RAB11FIP1: variants seen among roughly 807,000 people sequenced by gnomAD.
RAB11FIP1 encodes the protein RAB11 family interacting protein 1.
Under a neutral mutation model 83.1 loss-of-function variants are expected in RAB11FIP1, and 49 were observed. The ratio of observed to expected loss-of-function variants is 0.59; its 90% CI spans 0.47 to 0.75. RAB11FIP1 has a LOEUF of 0.75. Ranked by LOEUF, RAB11FIP1 falls within the 30% of genes least tolerant of loss-of-function variation. The probability of loss-of-function intolerance (pLI) is 0.00; values close to 1 mark genes in which losing one functional copy is unlikely to be tolerated. For missense variants in RAB11FIP1, 1,536 were observed against 1,598.7 expected, an observed-to-expected ratio of 0.96 and a Z score of 0.67; for synonymous variants, 670 against 656.0, an observed-to-expected ratio of 1.02 and a Z score of -0.33.
chr8:37,896,705 A>G (rs552201095), intron 1 of RAB11FIP1, among the ~76,000 whole-genome samples: 2 of 152,352 alleles, frequency 1.3e-5, no homozygotes, highest in South Asian at 4.1e-4. Context: ...AACCTTTTCA[A>G]TCACTTCTTG....
At chr8:37,888,856 G>A (rs552989743) in intron 1 of RAB11FIP1, among the ~76,000 whole-genome samples, 1 of 143,800 alleles carries the variant, frequency 7.0e-6, no homozygotes, top group Admixed American at 7.2e-5. Context: ...GGACTGCAGT[G>A]GCGCTATCTC....
In RAB11FIP1 at chr8:37,872,649, G is replaced by A; in HGVS notation, c.2153C>T (p.Pro718Leu). ...TACTTCCTGGGCTTCTCCAGATGATGGGCTGTAGTCTTGTTTTTTGCAGGG... is the reference window on the plus strand; with the variant it reads ...TACTTCCTGGGCTTCTCCAGATGATAGGCTGTAGTCTTGTTTTTTGCAGGG... The part of the protein sequence containing the change: ...RFPCKKQDYS[P>L]SSGEAQEVPF... Residue 718 changes from proline (P) to leucine (L), a missense_variant, in exon 4 of 6, where the codon CCA (proline) becomes CTA (leucine). Coordinates refer to ENST00000330843, the MANE Select transcript of RAB11FIP1 (RefSeq NM_001002814.3). The A allele has an allele frequency of 6.2e-7, 1 of 1,614,178 alleles. No individual in the cohort carries two copies. Among genetic ancestry groups the A allele is most frequent in the South Asian group, 1.1e-5 (1 of 91,084 alleles).
chr8:37,875,386 C>A, intron 2 of RAB11FIP1, 64 bp from the exon 3 acceptor site: 6 of 1,202,728 alleles, frequency 5.0e-6, no homozygotes, highest in Non-Finnish European at 7.2e-6. Flanking sequence ...AGTGTAGGGG[C>A]ATCTGTCAAC....
chr8:37,886,624 GT>G (rs1806840309), intron 1 of RAB11FIP1, among the ~76,000 whole-genome samples: 1 of 152,192 alleles, frequency 6.6e-6, no homozygotes, highest in African/African-American at 2.4e-5. Context: ...TATAGCATGA[GT>G]CATCTCCACG....
intron 1 of RAB11FIP1, among the ~76,000 whole-genome samples, chr8:37,898,778 C>T (rs1807146065): frequency 6.6e-6 from 1 of 150,888 alleles, no homozygotes; most frequent in South Asian, 2.1e-4. Flanking sequence ...TGAGATCGTG[C>T]CATTGCCATT....
intron 1 of RAB11FIP1, among the ~76,000 whole-genome samples, chr8:37,887,137 G>A (rs1003255075): frequency 3.9e-5 from 6 of 152,124 alleles, no homozygotes; most frequent in African/African-American, 1.4e-4. Flanking sequence ...CATGAGAGTG[G>A]CAAATAGGTC....
Position 37,871,413 on chromosome 8 carries a change from G to C in RAB11FIP1, c.3389C>G (p.Ala1130Gly). 1 of 1,614,164 alleles carries C rather than the reference G, an allele frequency of 6.2e-7. No homozygotes were observed. Among genetic ancestry groups the C allele is most frequent in the South Asian group, 1.1e-5 (1 of 91,082 alleles). ...HTSTAESQKK[A>G]TAEGSAGRVE... ...TCTACCAGCGGAGCCCTCTGCTGTG[G>C]CTTTTTTTTGAGATTCTGCTGTGCT... Residue 1130 changes from alanine to glycine, a missense_variant, in exon 4 of 6, where the codon GCC (alanine) becomes GGC (glycine). Physicochemically the swap from Ala to Gly is moderately conservative, Grantham distance 60 (BLOSUM62 0). Transcript: ENST00000330843.
chr8:37,871,709 C>T lies in RAB11FIP1; in HGVS notation c.3093G>A (p.Arg1031=), dbSNP rs756290842. Residue 1031 remains arginine (R), a synonymous_variant, in exon 4 of 6, where the codon AGG becomes AGA. Transcript: ENST00000330843. The stretch of plus-strand genomic sequence containing the variant: ...TCACAGATGCCTGGGGTGCTTGCAG[C>T]CTGAAATCACACAGGCCCTCCCCCA... ...LVLGEGLCDF[R]LQAPQASVTA... 3 of 1,613,638 alleles carry T rather than the reference C, an allele frequency of 1.9e-6. No individual in the cohort carries two copies. In the Admixed American group the frequency reaches 5.0e-5, roughly 27 times the overall value.
chr8:37,874,480 C>T (rs1423969309), intron 3 of RAB11FIP1, 35 bp downstream of exon 3: 2 of 1,568,738 alleles, frequency 1.3e-6, no homozygotes, highest in African/African-American at 2.7e-5. Flanking sequence ...AATGGCAAGG[C>T]AGAAATGCCC....
intron 1 of RAB11FIP1, among the ~76,000 whole-genome samples, chr8:37,894,047 TCA>T (rs1180186988): frequency 6.6e-6 from 1 of 152,216 alleles, no homozygotes; most frequent in African/African-American, 2.4e-5. Flanking sequence ...CTGAGCTATC[TCA>T]GTTTCCTACA....
intron 5 of RAB11FIP1, among the ~76,000 whole-genome samples, chr8:37,869,522 G>A (rs575263186): frequency 6.6e-6 from 1 of 152,074 alleles, no homozygotes; most frequent in African/African-American, 2.4e-5. Flanking sequence ...AACCCAGGAG[G>A]GGGAGGTTGC....
chr8:37,899,203 G>A lies in RAB11FIP1; in HGVS notation c.239C>T (p.Ser80Phe). 6.4e-7 allele frequency: 1 copy of A among 1,573,384 alleles called. No individual in the cohort carries two copies. The highest frequency in any genetic ancestry group is 8.6e-7 in the Non-Finnish European group (1 of 1,166,548). Residue 80 changes from serine to phenylalanine, a missense_variant, in exon 1 of 6, where the codon TCC (serine) becomes TTC (phenylalanine). Coordinates refer to ENST00000330843, the MANE Select transcript of RAB11FIP1 (RefSeq NM_001002814.3). The surrounding 1 kb of genome is among the most constrained non-coding windows in gnomAD (Gnocchi z 4.5). Reference protein sequence around the residue: ...ATFELPSLLSSGPAAAATLQL... With the variant: ...ATFELPSLLSFGPAAAATLQL... ...CAGGGTGGCGGCGGCCGCGGGTCCG[G>A]AGGACAGCAGCGATGGCAGCTCGAA...
In RAB11FIP1 at chr8:37,875,191, T is replaced by C; in HGVS notation, c.946A>G (p.Asn316Asp). 6.2e-7 allele frequency: 1 copy of C among 1,614,090 alleles called. No homozygotes were observed. Among genetic ancestry groups the C allele is most frequent in the Non-Finnish European group, 8.5e-7 (1 of 1,180,010 alleles). ...ACATGGTTCCCATTGATGCAGACAT[T>C]AGAGCGGGAAAGGACATCATTCTTA... is the stretch of plus-strand genomic sequence containing the variant. ...RSKNDVLSRS[N>D]VCINGNHVYL... Residue 316 changes from asparagine to aspartate, a missense_variant, in exon 3 of 6, where the codon AAT becomes GAT. By Grantham distance (23) the Asn-to-Asp change is conservative. Transcript: ENST00000330843.
chr8:37,874,025 TACA>T (rs1806546903), intron 3 of RAB11FIP1, among the ~76,000 whole-genome samples: 1 of 152,142 alleles, frequency 6.6e-6, no homozygotes, highest in African/African-American at 2.4e-5. Flanking sequence ...TGCCGGCTCT[TACA>T]ACAAGGGGCA....
At position 37,897,881 on chromosome 8, in the gene RAB11FIP1, T is replaced by C. The variant is rs192135991; in HGVS notation, c.371+1190A>G. Among the ~76,000 whole-genome samples, 86 of 152,310 alleles carry C rather than the reference T, an allele frequency of 5.6e-4. No homozygotes were observed. The East Asian group carries it at 0.011, about 20-fold the overall frequency. On this transcript the variant is annotated intron_variant, in intron 1 of 5. Coordinates refer to ENST00000330843, the MANE Select transcript of RAB11FIP1 (RefSeq NM_001002814.3). Reference sequence around the variant, plus strand: ...GGTAGGGGAAGGGGTTAGCAAGTCATGTGACAGCCGGCAAACGCCATTCCC... The same window carrying C: ...GGTAGGGGAAGGGGTTAGCAAGTCACGTGACAGCCGGCAAACGCCATTCCC...
At chr8:37,894,711 C>CATATATATAT (rs1008699497) in intron 1 of RAB11FIP1, among the ~76,000 whole-genome samples, 2 of 145,056 alleles carry the variant, frequency 1.4e-5, no homozygotes, top group African/African-American at 5.2e-5. Context: ...CATATATATA[C>CATATATATAT]ATATATATAT....
chr8:37,890,106 A>G (rs1806916209), intron 1 of RAB11FIP1, among the ~76,000 whole-genome samples: 2 of 152,238 alleles, frequency 1.3e-5, no homozygotes, highest in South Asian at 4.1e-4. Context: ...TCCTGTTTTA[A>G]TAACAAATGA....
intron 1 of RAB11FIP1, among the ~76,000 whole-genome samples, chr8:37,895,251 ATATATATATTTTTTTTTTTTTTTTTT>A (rs1163918388): frequency 2.8e-3 from 36 of 12,640 alleles, no homozygotes; most frequent in African/African-American, 0.014. Flanking sequence ...ATATATATAT[ATATATATATTTTTTTTTTTTTTTTTT>A]TTTTTTTTTT....
In RAB11FIP1 at chr8:37,874,588, G is replaced by C. The variant is rs1806560871; in HGVS notation, c.1549C>G (p.Pro517Ala). 3 of 1,614,032 alleles carry C rather than the reference G, an allele frequency of 1.9e-6. No homozygotes were observed. In the African/African-American group the frequency reaches 4.0e-5, roughly 22 times the overall value. The change falls in exon 3 of 6, where the codon CCA (proline) becomes GCA (alanine). Residue 517 changes from proline to alanine, a missense_variant. By Grantham distance (27) the Pro-to-Ala change is conservative. Transcript: ENST00000330843. ...DVQITEPEAE[P>A]ESKSEPRPPI... The stretch of plus-strand genomic sequence containing the variant: ...GGTCTCGGTTCAGACTTGGACTCTG[G>C]CTCAGCTTCTGGTTCTGTGATCTGC...
Sources: allele counts gnomAD v4.1 joint callset (sites outside exome capture counted in the v4.1 genomes callset), GRCh38; gene constraint gnomAD v4.1.1; non-coding constraint Gnocchi (gnomAD v3.1); transcripts MANE v1.5; gene names NCBI Gene and HGNC (gene_info 2026-07-23, HGNC 2026-07-21).